HNF4G: variants seen among roughly 807,000 people sequenced by gnomAD.
HNF4G encodes hepatocyte nuclear factor 4 gamma.
A neutral mutation model predicts 50.9 loss-of-function variants in HNF4G; 21 were observed. That is an observed-to-expected ratio of 0.41 (90% CI 0.29 to 0.59). HNF4G has a LOEUF of 0.59. HNF4G is among the 20% of genes least tolerant of loss of function. The pLI is 0.26. For missense variants in HNF4G, 527 were observed against 559.4 expected (o/e 0.94, Z 0.58); for synonymous variants, 198 against 185.6 (o/e 1.07, Z -0.54).
chr8:75,481,140 A>G (rs1298691731), intron 1 of HNF4G, among the ~76,000 whole-genome samples: 2 of 152,178 alleles, frequency 1.3e-5, no homozygotes, highest in Non-Finnish European at 2.9e-5. Context: ...TATTTTATCC[A>G]TTAGCTTCAT....
chr8:75,544,042 G>A (rs1337178087), intron 2 of HNF4G, 63 bp downstream of exon 2: 14 of 1,413,014 alleles, frequency 9.9e-6, no homozygotes, highest in African/African-American at 2.9e-5. Context: ...CACGCAAAAA[G>A]TAAGAGAAGA....
rs567997638 is a variant in HNF4G, at chr8:75,465,484, A to T, written c.-143-24605A>T. On this transcript the variant is annotated intron_variant, in intron 1 of 10. Transcript: ENST00000354370. ...CATGTATGGCACATTTTATAGGTTT[A>T]AAAAATTAAAATAAACAAATAAATA... Among the ~76,000 whole-genome samples the T allele has an allele frequency of 2.5e-3, 387 of 152,280 alleles. 1 individual carries two copies. Among genetic ancestry groups the T allele is most frequent in the Non-Finnish European group, 4.2e-3 (285 of 67,998 alleles).
chr8:75,430,474 T>TAGAGAGAGAGAG (rs66481707), intron 1 of HNF4G, among the ~76,000 whole-genome samples: 20 of 136,110 alleles, frequency 1.5e-4, no homozygotes, highest in African/African-American at 5.3e-4. Context: ...GGGTAGGGAG[T>TAGAGAGAGAGAG]AGAGAGAGAG....
At chr8:75,529,891 C>A (rs893768561) in intron 2 of HNF4G, among the ~76,000 whole-genome samples, 1 of 151,822 alleles carries the variant, frequency 6.6e-6, no homozygotes, top group Non-Finnish European at 1.5e-5. Context: ...TTTTGTTGTC[C>A]TCTCCTCCAA....
At chr8:75,499,913 C>T (rs1234037285) in intron 2 of HNF4G, among the ~76,000 whole-genome samples, 2 of 152,146 alleles carry the variant, frequency 1.3e-5, no homozygotes, top group East Asian at 3.9e-4. Context: ...GACACAAATG[C>T]AACTGCTAAA....
intron 1 of HNF4G, among the ~76,000 whole-genome samples, chr8:75,433,286 T>C (rs2130524415): frequency 6.6e-6 from 1 of 151,850 alleles, no homozygotes; most frequent in Admixed American, 6.6e-5. Context: ...TGTGCACCCA[T>C]AGTTTTAGCC....
At chr8:75,562,136 A>AT (rs11365236) in intron 9 of HNF4G, among the ~76,000 whole-genome samples, 9 of 150,856 alleles carry the variant, frequency 6.0e-5, no homozygotes, top group East Asian at 5.9e-4. Context: ...TAGCTACAGC[A>AT]TTTTTTTTTT....
chr8:75,560,483 C>T lies in HNF4G; in HGVS notation c.1246+17C>T, dbSNP rs1807277342. The T allele has an allele frequency of 6.3e-7, 1 of 1,598,398 alleles. No individual in the cohort carries two copies. The highest frequency in any genetic ancestry group is 8.5e-7 in the Non-Finnish European group (1 of 1,173,722). Reference sequence around the variant, plus strand: ...ACCAGATCTGTAAGTTTATAGACTACTTTTCAACCAAGATATTTCTTAATT... The same window carrying T: ...ACCAGATCTGTAAGTTTATAGACTATTTTTCAACCAAGATATTTCTTAATT... On this transcript the variant is annotated intron_variant, in intron 9 of 9. Transcript: ENST00000396423.
chr8:75,493,615 TTTC>T (rs1296628620), intron 2 of HNF4G, among the ~76,000 whole-genome samples: 2 of 152,170 alleles, frequency 1.3e-5, no homozygotes, highest in Non-Finnish European at 2.9e-5. Flanking sequence ...ACTAATTGCA[TTTC>T]TTTTTTTAAA....
chr8:75,511,248 T>C (rs912997791), intron 2 of HNF4G, among the ~76,000 whole-genome samples: 7 of 152,216 alleles, frequency 4.6e-5, no homozygotes, highest in African/African-American at 1.7e-4. Flanking sequence ...CCCATTAGAC[T>C]GGAATGCCAT....
At chr8:75,560,291 C>A (rs558903440) in intron 8 of HNF4G, 53 bp from the exon 9 acceptor site, 46 of 1,582,472 alleles carry the variant, frequency 2.9e-5, no homozygotes, top group Non-Finnish European at 3.6e-5. Context: ...TCAAGGTAAA[C>A]TTGCTGTTCC....
At chr8:75,539,640 C>T (rs1409230110), upstream of HNF4G, among the ~76,000 whole-genome samples, 1 of 152,138 alleles carries the variant, frequency 6.6e-6, no homozygotes, top group African/African-American at 2.4e-5. Context: ...TTTAATCCTT[C>T]TCTTAATGAT....
Position 75,553,798 on chromosome 8 carries a change from ACACAAC to A in HNF4G, c.645+602_645+607del, listed in dbSNP as rs1807037283. Among the ~76,000 whole-genome samples, 9 of 152,326 alleles carry A rather than the reference ACACAAC, an allele frequency of 5.9e-5. No homozygotes were observed. In the South Asian group the frequency reaches 1.9e-3, roughly 32 times the overall value. ...AGAAATTTATAGAGAAATAAAATTT[ACACAAC>A]AAAAGATAGAGTGATCTTTTACTAA... On this transcript the variant is annotated intron_variant, in intron 5 of 9. Coordinates refer to ENST00000396423, the MANE Select transcript of HNF4G (RefSeq NM_004133.5).
At chr8:75,462,906 A>G (rs942234465) in intron 1 of HNF4G, among the ~76,000 whole-genome samples, 1 of 152,176 alleles carries the variant, frequency 6.6e-6, no homozygotes, top group Non-Finnish European at 1.5e-5. Context: ...TTGTACTTAG[A>G]TGTTATAAGT....
rs1812064956 is a variant in HNF4G at position 75,469,467 on chromosome 8, A to G, written c.-143-20622A>G. On this transcript the variant is annotated intron_variant, in intron 1 of 10. Transcript: ENST00000354370. ...TTTGTTTGTTTTGCCATTATCAGAA[A>G]CTTTCTCAGATGATTTTTTTAGAGG... is the stretch of plus-strand genomic sequence containing the variant. Among the ~76,000 whole-genome samples the G allele has an allele frequency of 2.6e-5, 4 of 152,282 alleles. No individual in the cohort carries two copies. In the South Asian group the frequency reaches 8.3e-4, roughly 32 times the overall value.
At chr8:75,518,145 C>A (rs1432739722) in intron 2 of HNF4G, among the ~76,000 whole-genome samples, 1 of 125,364 alleles carries the variant, frequency 8.0e-6, no homozygotes, top group Non-Finnish European at 1.7e-5. Flanking sequence ...CCCCTCCCCC[C>A]ACCCCACAAC....
At chr8:75,465,696 C>T (rs979467419) in intron 1 of HNF4G, among the ~76,000 whole-genome samples, 1 of 151,594 alleles carries the variant, frequency 6.6e-6, no homozygotes, top group Admixed American at 6.6e-5. Context: ...GGAAGTACAA[C>T]TAGTAGAAAT....
chr8:75,408,623 G>T (rs1024772670), intron 1 of HNF4G, among the ~76,000 whole-genome samples: 11 of 152,198 alleles, frequency 7.2e-5, no homozygotes, highest in Non-Finnish European at 1.6e-4. Context: ...TTAACAACGT[G>T]CCAGTTAAGC....
intron 1 of HNF4G, among the ~76,000 whole-genome samples, chr8:75,480,721 C>T (rs3779740): frequency 0.67 from 81,052 of 121,510 alleles, 24,116 homozygotes; most frequent in Middle Eastern, 0.74. Context: ...CTTTTTCTTT[C>T]TTTTTTTTTT....
Sources: gnomAD v4.1 joint callset for allele counts (sites outside exome capture counted in the v4.1 genomes callset) on GRCh38, gnomAD v4.1.1 for gene constraint, MANE v1.5 for transcripts, NCBI Gene and HGNC (gene_info 2026-07-23, HGNC 2026-07-21) for gene names.